Variants in AGPAT1 observed in about 807,000 individuals in gnomAD.
AGPAT1 encodes the protein 1-acylglycerol-3-phosphate O-acyltransferase 1.
AGPAT1 carries 6 observed loss-of-function variants against 31.2 expected under a neutral mutation model. That is an observed-to-expected ratio of 0.19 (90% CI 0.11 to 0.38). The LOEUF is 0.38. Among genes scored for constraint, AGPAT1 ranks in the 10% least tolerant of loss-of-function variants. The probability of loss-of-function intolerance (pLI) is 1.00; values close to 1 mark genes in which losing one functional copy is unlikely to be tolerated. For missense variants in AGPAT1, 187 were observed against 377.8 expected, an observed-to-expected ratio of 0.49 and a Z score of 4.19; for synonymous variants, 139 against 154.0, an observed-to-expected ratio of 0.90 and a Z score of 0.72.
rs1276610303 is a variant in AGPAT1 at position 32,172,312 on chromosome 6, C to T, written c.-9-807G>A. ...GGGCAATGGAGTGAGACTCCATTTC[C>T]AAAAAAAAAAAAAGAAATTATAATC... On this transcript the variant is annotated intron_variant, in intron 1 of 6. Coordinates refer to ENST00000375107, the MANE Select transcript of AGPAT1 (RefSeq NM_006411.4). This position sits in a 1 kb window ranked among gnomAD's most constrained non-coding sequence, Gnocchi z 4.3. 9.0e-6 allele frequency among the ~76,000 whole-genome samples: 1 copy of T among 110,652 alleles called. No individual in the cohort carries two copies. Among genetic ancestry groups the T allele is most frequent in the Non-Finnish European group, 1.9e-5 (1 of 51,860 alleles). 72.6% of individuals were successfully genotyped at this position (110,652 alleles called of 152,430 possible).
At position 32,169,941 on chromosome 6, in the gene AGPAT1, C is replaced by A; in HGVS notation, c.679+25G>T. 6.2e-7 allele frequency: 1 copy of A among 1,603,248 alleles called. No homozygotes were observed. The highest frequency in any genetic ancestry group is 8.5e-7 in the Non-Finnish European group (1 of 1,171,982). ...TCCCAGCCTCTCCGGACACACCCTA[C>A]CCCAGAACTGCTCAAAGCCCTCACC... is the stretch of plus-strand genomic sequence containing the variant. On this transcript the variant is annotated intron_variant, in intron 6 of 6. Coordinates refer to ENST00000375107, the MANE Select transcript of AGPAT1 (RefSeq NM_006411.4). This position sits in a 1 kb window ranked among gnomAD's most constrained non-coding sequence, Gnocchi z 5.9.
In AGPAT1 at chr6:32,172,817, A is replaced by G. The variant is rs2127418296; in HGVS notation, c.-9-1312T>C. 1 of 152,364 alleles carries G rather than the reference A, an allele frequency of 6.6e-6. No homozygotes were observed. Among genetic ancestry groups the G allele is most frequent in the South Asian group, 2.1e-4 (1 of 4,832 alleles). The allele number at this position is 152,364 out of a possible 1,614,324, so 9.4% of individuals were successfully genotyped here. A position where few individuals can be genotyped will look rare whatever the true frequency, so the allele number is the denominator to read the frequency against. On this transcript the variant is annotated intron_variant, in intron 1 of 6. Coordinates refer to ENST00000375107, the MANE Select transcript of AGPAT1 (RefSeq NM_006411.4). The surrounding 1 kb of genome is among the most constrained non-coding windows in gnomAD (Gnocchi z 4.3). The stretch of plus-strand genomic sequence containing the variant: ...CAGTCATACAAAGACTAACATGTTC[A>G]CACATAGACACAAATTTATAATTAC...
chr6:32,174,240 C>T lies in AGPAT1; in HGVS notation c.-10+1574G>A, dbSNP rs1283222069. ...AACAGATTCTAAGGCTGTATACCCA[C>T]CCATAGAGCCACAGTTAATGACAGA... is the stretch of plus-strand genomic sequence containing the variant. On this transcript the variant is annotated intron_variant, in intron 1 of 6. Coordinates refer to ENST00000375107, the MANE Select transcript of AGPAT1 (RefSeq NM_006411.4). The surrounding 1 kb of genome is among the most constrained non-coding windows in gnomAD (Gnocchi z 4.5). Among the ~76,000 whole-genome samples the T allele has an allele frequency of 1.3e-5, 2 of 152,190 alleles. No homozygotes were observed. The highest frequency in any genetic ancestry group is 2.9e-5 in the Non-Finnish European group (2 of 68,036).
chr6:32,170,330 G>C lies in AGPAT1; in HGVS notation c.511-70C>G. On this transcript the variant is annotated intron_variant, in intron 4 of 6. Coordinates refer to ENST00000375107, the MANE Select transcript of AGPAT1 (RefSeq NM_006411.4). The surrounding 1 kb of genome is among the most constrained non-coding windows in gnomAD (Gnocchi z 7.7). ...GTCAGAATAGGTGTGATGTTATAATGGGACCTTTGAGGCCCACTGGCCCTG... is the reference window on the plus strand; with the variant it reads ...GTCAGAATAGGTGTGATGTTATAATCGGACCTTTGAGGCCCACTGGCCCTG... 3 of 1,605,538 alleles carry C rather than the reference G, an allele frequency of 1.9e-6. No individual in the cohort carries two copies. The highest frequency in any genetic ancestry group is 2.6e-6 in the Non-Finnish European group (3 of 1,173,426).
In AGPAT1 at chr6:32,171,836, T is replaced by C. The variant is rs1785135143; in HGVS notation, c.-9-331A>G. The C allele has an allele frequency of 4.2e-6, 2 of 481,262 alleles. No individual in the cohort carries two copies. The highest frequency in any genetic ancestry group is 7.6e-6 in the Non-Finnish European group (2 of 264,722). The allele number at this position is 481,262 out of a possible 1,614,324, so 29.8% of individuals were successfully genotyped here. ...TAACACTTGTAGCTGGTAAGGGTCT[T>C]ATAATGGTCTATACTTGTGCTGTCC... On this transcript the variant is annotated intron_variant, in intron 1 of 6. Coordinates refer to ENST00000375107, the MANE Select transcript of AGPAT1 (RefSeq NM_006411.4). This position sits in a 1 kb window ranked among gnomAD's most constrained non-coding sequence, Gnocchi z 6.9.
In AGPAT1 at chr6:32,175,932, G is replaced by C; in HGVS notation, c.-128C>G. On this transcript the variant is annotated 5_prime_UTR_variant, in exon 1 of 7. In the 5' UTR this introduces an upstream ATG that the reference lacks. Coordinates refer to ENST00000375107, the MANE Select transcript of AGPAT1 (RefSeq NM_006411.4). This position sits in a 1 kb window ranked among gnomAD's most constrained non-coding sequence, Gnocchi z 4.5. ...GGTGTCGGTGCCAAGGGGGCGACGG[G>C]ATTTGGGGGTGTCCTAGCCCCGGCC... 1 of 985,828 alleles carries C rather than the reference G, an allele frequency of 1.0e-6. No individual in the cohort carries two copies. The highest frequency in any genetic ancestry group is 1.2e-6 in the Non-Finnish European group (1 of 830,242). 61.1% of individuals were successfully genotyped at this position (985,828 alleles called of 1,614,324 possible).
chr6:32,172,636 A>G lies in AGPAT1; in HGVS notation c.-9-1131T>C, dbSNP rs1375389638. Among the ~76,000 whole-genome samples the G allele has an allele frequency of 1.3e-5, 2 of 152,202 alleles. No individual in the cohort carries two copies. The highest frequency in any genetic ancestry group is 2.4e-5 in the African/African-American group (1 of 41,452). On this transcript the variant is annotated intron_variant, in intron 1 of 6. Coordinates refer to ENST00000375107, the MANE Select transcript of AGPAT1 (RefSeq NM_006411.4). The surrounding 1 kb of genome is among the most constrained non-coding windows in gnomAD (Gnocchi z 4.3). ...TTAAATCTAAGCCGCCTGTGTTCCT[A>G]ACCACTCCATTACGCTGACACTGGT...
rs1007751801 is a variant in AGPAT1 at position 32,174,346 on chromosome 6, G to A, written c.-10+1468C>T. On this transcript the variant is annotated intron_variant, in intron 1 of 6. Coordinates refer to ENST00000375107, the MANE Select transcript of AGPAT1 (RefSeq NM_006411.4). This position sits in a 1 kb window ranked among gnomAD's most constrained non-coding sequence, Gnocchi z 4.5. ...TAAAAGAAGTCACTGAGAAAGTAAC[G>A]AACACACCAAGCCTAATGGTAACCG... Among the ~76,000 whole-genome samples, 1 of 152,066 alleles carries A rather than the reference G, an allele frequency of 6.6e-6. No individual in the cohort carries two copies. Among genetic ancestry groups the A allele is most frequent in the African/African-American group, 2.4e-5 (1 of 41,402 alleles).
At position 32,170,999 on chromosome 6, in the gene AGPAT1, T is replaced by A. The variant is rs1354009194; in HGVS notation, c.272A>T (p.His91Leu). ...GIRVEVRGAH[H>L]FPPSQPYVVV... ...AACATAGGGCTGCGAGGGAGGGAAG[T>A]GGTGAGCCCCTCGCACCTCCACTCG... is the stretch of plus-strand genomic sequence containing the variant. Residue 91 changes from histidine to leucine, a missense_variant, in exon 3 of 7, where the codon CAC (histidine) becomes CTC (leucine). Transcript: ENST00000375107. The surrounding 1 kb of genome is among the most constrained non-coding windows in gnomAD (Gnocchi z 7.7). 4.3e-6 allele frequency: 7 copies of A among 1,612,390 alleles called. No homozygotes were observed. The highest frequency in any genetic ancestry group is 2.2e-5 in the East Asian group (1 of 44,856).
chr6:32,169,496 C>T lies in AGPAT1; in HGVS notation c.680-48G>A. The stretch of plus-strand genomic sequence containing the variant: ...ATGGCCTGTCCACCCAGGTCTTTGC[C>T]CACAGGTGGGGCCCAGCTTCCGAGT... On this transcript the variant is annotated intron_variant, in intron 6 of 6. Transcript: ENST00000375107. The surrounding 1 kb of genome is among the most constrained non-coding windows in gnomAD (Gnocchi z 5.9). The T allele has an allele frequency of 6.3e-7, 1 of 1,598,488 alleles. No homozygotes were observed. Among genetic ancestry groups the T allele is most frequent in the Admixed American group, 1.7e-5 (1 of 59,662 alleles).
chr6:32,177,556 G>A (rs1785687271), upstream of AGPAT1: 1 of 152,948 alleles, frequency 6.5e-6, no homozygotes, highest in Non-Finnish European at 1.5e-5. Context: ...AATATGGGGA[G>A]GGCTGAGTCG....
rs1375546607 is a variant in AGPAT1 at position 32,171,118 on chromosome 6, C to T, written c.201-48G>A. ...CCCAGTGGGATCCATTGATGTCCAT[C>T]TGCATGCCTCAGCTCCCCCCACCTT... On this transcript the variant is annotated intron_variant, in intron 2 of 6. Coordinates refer to ENST00000375107, the MANE Select transcript of AGPAT1 (RefSeq NM_006411.4). The surrounding 1 kb of genome is among the most constrained non-coding windows in gnomAD (Gnocchi z 6.9). 2 of 1,598,392 alleles carry T rather than the reference C, an allele frequency of 1.3e-6. No individual in the cohort carries two copies. Among genetic ancestry groups the T allele is most frequent in the Non-Finnish European group, 1.7e-6 (2 of 1,169,850 alleles).
rs946553959 is a variant in AGPAT1 at position 32,175,339 on chromosome 6, A to G, written c.-10+475T>C. On this transcript the variant is annotated intron_variant, in intron 1 of 6. Transcript: ENST00000375107. The surrounding 1 kb of genome is among the most constrained non-coding windows in gnomAD (Gnocchi z 4.5). Reference sequence around the variant, plus strand: ...GGCACACAGACTCAATGTAGAAAACATGGCTCCCATAAGGCATTTGTGTGT... The same window carrying G: ...GGCACACAGACTCAATGTAGAAAACGTGGCTCCCATAAGGCATTTGTGTGT... 1.3e-5 allele frequency among the ~76,000 whole-genome samples: 2 copies of G among 152,204 alleles called. No individual in the cohort carries two copies. The highest frequency in any genetic ancestry group is 2.4e-5 in the African/African-American group (1 of 41,444).
At position 32,170,378 on chromosome 6, in the gene AGPAT1, T is replaced by C. The variant is rs2127413503; in HGVS notation, c.510+47A>G. The C allele has an allele frequency of 6.2e-7, 1 of 1,613,390 alleles. No individual in the cohort carries two copies. Among genetic ancestry groups the C allele is most frequent in the Non-Finnish European group, 8.5e-7 (1 of 1,179,464 alleles). ...CTGCATATCAGTTTATTTACAACTG[T>C]TCTACTCTGTATCCCTCCAATCCCC... is the stretch of plus-strand genomic sequence containing the variant. On this transcript the variant is annotated intron_variant, in intron 4 of 6. Transcript: ENST00000375107. The surrounding 1 kb of genome is among the most constrained non-coding windows in gnomAD (Gnocchi z 7.7).
In AGPAT1 at chr6:32,176,075, T is replaced by G; in HGVS notation, c.-271A>C. On this transcript the variant is annotated 5_prime_UTR_variant, in exon 1 of 7. Coordinates refer to ENST00000375107, the MANE Select transcript of AGPAT1 (RefSeq NM_006411.4). ...CTGTCTCTCTGAGGGCTGGGGCTGCTGCCGCCGCTATTCCCCCGCCACCCC... is the reference window on the plus strand; with the variant it reads ...CTGTCTCTCTGAGGGCTGGGGCTGCGGCCGCCGCTATTCCCCCGCCACCCC... The G allele has an allele frequency of 2.0e-6, 2 of 978,008 alleles. No individual in the cohort carries two copies. Among genetic ancestry groups the G allele is most frequent in the Non-Finnish European group, 2.4e-6 (2 of 826,070 alleles). 60.6% of individuals were successfully genotyped at this position (978,008 alleles called of 1,614,324 possible).
In AGPAT1 at chr6:32,169,963, C is replaced by T; in HGVS notation, c.679+3G>A. ...CTACCCCAGAACTGCTCAAAGCCCT[C>T]ACCCGAGGTGAAGCGACGCTCCTTC... On this transcript the variant is annotated splice_donor_region_variant and intron_variant, in intron 6 of 6. Coordinates refer to ENST00000375107, the MANE Select transcript of AGPAT1 (RefSeq NM_006411.4). The surrounding 1 kb of genome is among the most constrained non-coding windows in gnomAD (Gnocchi z 5.9). The T allele has an allele frequency of 1.2e-6, 2 of 1,612,696 alleles. No homozygotes were observed. Among genetic ancestry groups the T allele is most frequent in the East Asian group, 4.5e-5 (2 of 44,886 alleles).
At position 32,175,830 on chromosome 6, in the gene AGPAT1, G is replaced by T; in HGVS notation, c.-26C>A. ...CGCCCACACCTCAGAGGGGTAGGGGGCCTGGGGGGCTGGCCCCCTCCCCAG... is the reference window on the plus strand; with the variant it reads ...CGCCCACACCTCAGAGGGGTAGGGGTCCTGGGGGGCTGGCCCCCTCCCCAG... On this transcript the variant is annotated 5_prime_UTR_variant, in exon 1 of 7. Coordinates refer to ENST00000375107, the MANE Select transcript of AGPAT1 (RefSeq NM_006411.4). The surrounding 1 kb of genome is among the most constrained non-coding windows in gnomAD (Gnocchi z 4.5). 1.0e-6 allele frequency: 1 copy of T among 985,972 alleles called. No individual in the cohort carries two copies. The highest frequency in any genetic ancestry group is 1.7e-5 in the African/African-American group (1 of 57,342). 61.1% of individuals were successfully genotyped at this position (985,972 alleles called of 1,614,324 possible).
rs536634798 is a variant in AGPAT1, at chr6:32,171,716, C to G, written c.-9-211G>C. 6.6e-5 allele frequency: 41 copies of G among 620,662 alleles called. 1 individual carries two copies. The African/African-American group carries it at 7.2e-4, about 11-fold the overall frequency. The allele number at this position is 620,662 out of a possible 1,614,324, so 38.4% of individuals were successfully genotyped here. ...TCAGGACTGCTCTCCCACCACTCTT[C>G]CCAAAGGCTCCGGATATATTCAGAC... is the stretch of plus-strand genomic sequence containing the variant. On this transcript the variant is annotated intron_variant, in intron 1 of 6. Transcript: ENST00000375107. This position sits in a 1 kb window ranked among gnomAD's most constrained non-coding sequence, Gnocchi z 6.9.
Position 32,170,024 on chromosome 6 carries a change from G to A in AGPAT1, c.621C>T (p.Pro207=), listed in dbSNP as rs11553431. 5.1e-4 allele frequency: 816 copies of A among 1,613,994 alleles called. 4 individuals are homozygous for A. In the African/African-American group the frequency reaches 9.6e-3, roughly 19 times the overall value. Residue 207 remains proline (P), a synonymous_variant, in exon 6 of 7, where the codon CCC becomes CCT. Transcript: ENST00000375107. The surrounding 1 kb of genome is among the most constrained non-coding windows in gnomAD (Gnocchi z 7.7). The part of the protein sequence containing the change: ...LAVQAQVPIV[P]IVMSSYQDFY... ...AGTCTTGGTAGGAGGACATGACTAT[G>A]GGGACAATGGGAACCTGGGGAAGGG...
Sources: gnomAD v4.1 joint callset for allele counts (sites outside exome capture counted in the v4.1 genomes callset) on GRCh38, gnomAD v4.1.1 for gene constraint, Gnocchi (gnomAD v3.1) non-coding constraint, MANE v1.5 for transcripts, NCBI Gene and HGNC (gene_info 2026-07-23, HGNC 2026-07-21) for gene names.